Variants in GPR176 observed in about 807,000 individuals in gnomAD.
GPR176 encodes G protein-coupled receptor 176, also known as G-protein coupled receptor 176.
GPR176 carries 26 observed loss-of-function variants against 35.4 expected under a neutral mutation model. The ratio of observed to expected loss-of-function variants is 0.74; its 90% CI spans 0.54 to 1.02. GPR176 has a LOEUF of 1.02. Ranked by LOEUF, GPR176 falls within the 50% of genes least tolerant of loss-of-function variation. GPR176 has a pLI of 0.00. For synonymous variants in GPR176, 278 were observed against 271.3 expected, an observed-to-expected ratio of 1.02 and a Z score of -0.24; for missense variants, 597 against 665.3, an observed-to-expected ratio of 0.90 and a Z score of 1.13.
intron 1 of GPR176, among the ~76,000 whole-genome samples, chr15:39,809,378 A>ATGTG (rs145422158): frequency 6.6e-6 from 1 of 150,778 alleles, no homozygotes; most frequent in Non-Finnish European, 1.5e-5. Context: ...TTAAAAATAA[A>ATGTG]TGTGTGTGTG....
chr15:39,875,456 A>T (rs887858873), intron 1 of GPR176, among the ~76,000 whole-genome samples: 1 of 152,192 alleles, frequency 6.6e-6, no homozygotes, highest in African/African-American at 2.4e-5. Flanking sequence ...CTTGGAGCTG[A>T]CACTTTAAAG....
At chr15:39,914,172 C>T (rs1160074262) in intron 1 of GPR176, among the ~76,000 whole-genome samples, 1 of 151,964 alleles carries the variant, frequency 6.6e-6, no homozygotes, top group Non-Finnish European at 1.5e-5. Context: ...AATTTAATTT[C>T]CAGGAAGAAT....
At chr15:39,894,388 G>T (rs2033022729) in intron 1 of GPR176, 1 of 154,930 alleles carries the variant, frequency 6.5e-6, no homozygotes, top group African/African-American at 2.4e-5. Flanking sequence ...CCCGGACGGG[G>T]TGGCTGCCGG....
At chr15:39,868,430 A>G (rs1424012173) in intron 1 of GPR176, among the ~76,000 whole-genome samples, 2 of 152,200 alleles carry the variant, frequency 1.3e-5, no homozygotes, top group Non-Finnish European at 2.9e-5. Flanking sequence ...AAAGCAGGGC[A>G]GAAGGGGGAT....
At chr15:39,870,277 T>C (rs943339080) in intron 1 of GPR176, among the ~76,000 whole-genome samples, 7 of 152,064 alleles carry the variant, frequency 4.6e-5, no homozygotes, top group African/African-American at 9.7e-5. Flanking sequence ...CTTTATTTGA[T>C]CACATCTGCA....
chr15:39,855,344 ACT>A (rs1396754863), intron 1 of GPR176, among the ~76,000 whole-genome samples: 1 of 152,170 alleles, frequency 6.6e-6, no homozygotes, highest in African/African-American at 2.4e-5. Flanking sequence ...GTGTGTCCCA[ACT>A]ATAGTGAAGG....
At chr15:39,873,903 T>A (rs1473764670) in intron 1 of GPR176, among the ~76,000 whole-genome samples, 5 of 152,056 alleles carry the variant, frequency 3.3e-5, no homozygotes, top group African/African-American at 4.8e-5. Flanking sequence ...CTGATAAAAA[T>A]TTGCCCCTGC....
chr15:39,900,041 A>C (rs2140869856), intron 1 of GPR176, among the ~76,000 whole-genome samples: 1 of 152,324 alleles, frequency 6.6e-6, no homozygotes, highest in African/African-American at 2.4e-5. Context: ...AATGTTATAT[A>C]GTATAATCAT....
At chr15:39,843,062 G>A (rs1181808906) in intron 1 of GPR176, among the ~76,000 whole-genome samples, 2 of 152,040 alleles carry the variant, frequency 1.3e-5, no homozygotes, top group South Asian at 4.2e-4. Flanking sequence ...AAAAAGTGGT[G>A]GGGGGAGCTT....
At position 39,800,844 on chromosome 15, in the gene GPR176, T is replaced by G; in HGVS notation, c.*288A>C. 2 of 318,392 alleles carry G rather than the reference T, an allele frequency of 6.3e-6. No homozygotes were observed. Among genetic ancestry groups the G allele is most frequent in the East Asian group, 7.6e-5 (1 of 13,150 alleles). 19.7% of individuals were successfully genotyped at this position (318,392 alleles called of 1,614,324 possible). On this transcript the variant is annotated 3_prime_UTR_variant, in exon 3 of 3. Coordinates refer to ENST00000561100, the MANE Select transcript of GPR176 (RefSeq NM_007223.3). The stretch of plus-strand genomic sequence containing the variant: ...GCATCCTCAGAAAGTGCACATGGGG[T>G]ACCCACCTCAAGACCCATTCAAAAC...
chr15:39,875,182 G>A (rs1035131275), intron 1 of GPR176, among the ~76,000 whole-genome samples: 3 of 152,156 alleles, frequency 2.0e-5, no homozygotes, highest in Admixed American at 1.3e-4. Context: ...ACTCACTTTT[G>A]TTTGGAATAA....
chr15:39,853,774 G>A (rs2031025343), intron 1 of GPR176, among the ~76,000 whole-genome samples: 1 of 151,972 alleles, frequency 6.6e-6, no homozygotes, highest in South Asian at 2.1e-4. Flanking sequence ...TCCTCACAAA[G>A]CACAAGACAT....
At chr15:39,883,838 A>G (rs1371220665) in intron 1 of GPR176, among the ~76,000 whole-genome samples, 1 of 149,368 alleles carries the variant, frequency 6.7e-6, no homozygotes, top group Non-Finnish European at 1.5e-5. Flanking sequence ...AACAAGATCC[A>G]GAAGATACAT....
intron 1 of GPR176, among the ~76,000 whole-genome samples, chr15:39,893,311 G>C (rs368759829): frequency 6.6e-6 from 1 of 151,850 alleles, no homozygotes. Flanking sequence ...GACTCTTAAC[G>C]AGCATGCTGC....
intron 1 of GPR176, among the ~76,000 whole-genome samples, chr15:39,894,848 C>T (rs938203339): frequency 1.3e-5 from 2 of 152,252 alleles, no homozygotes; most frequent in African/African-American, 4.8e-5. Context: ...AATCTTTCTG[C>T]AATCTCGGCA....
chr15:39,887,050 A>G (rs575838851), intron 1 of GPR176, among the ~76,000 whole-genome samples: 2 of 152,320 alleles, frequency 1.3e-5, no homozygotes, highest in African/African-American at 4.8e-5. Context: ...ACTTTGATGT[A>G]CCTATGAATT....
At chr15:39,912,939 G>C (rs1371424190) in intron 1 of GPR176, among the ~76,000 whole-genome samples, 1 of 152,130 alleles carries the variant, frequency 6.6e-6, no homozygotes, top group Non-Finnish European at 1.5e-5. Context: ...ATATGATATA[G>C]CAATTTCACT....
chr15:39,896,644 A>C (rs1035348426), intron 1 of GPR176, among the ~76,000 whole-genome samples: 2 of 152,362 alleles, frequency 1.3e-5, no homozygotes, highest in African/African-American at 4.8e-5. Context: ...AGGACAAAAC[A>C]CTAGCAAAGG....
At chr15:39,820,993 C>A (rs1410410038) in intron 1 of GPR176, among the ~76,000 whole-genome samples, 2 of 152,176 alleles carry the variant, frequency 1.3e-5, no homozygotes, top group African/African-American at 2.4e-5. Flanking sequence ...CAAAAGGTTT[C>A]TTTGCTTTGT....
Sources: gnomAD v4.1 joint callset for allele counts (sites outside exome capture counted in the v4.1 genomes callset) on GRCh38, gnomAD v4.1.1 for gene constraint, MANE v1.5 for transcripts, NCBI Gene and HGNC (gene_info 2026-07-23, HGNC 2026-07-21) for gene names.